Variants in KLHL2 observed in about 807,000 individuals in gnomAD.
The protein encoded by KLHL2 is kelch like family member 2.
Under a neutral mutation model 75.8 loss-of-function variants are expected in KLHL2, and 15 were observed. The ratio of observed to expected loss-of-function variants is 0.20; its 90% confidence interval spans 0.13 to 0.30. KLHL2 has a LOEUF of 0.30. Among genes scored for constraint, KLHL2 ranks in the 10% least tolerant of loss-of-function variants. The probability of loss-of-function intolerance (pLI) is 1.00; values close to 1 mark genes in which losing one functional copy is unlikely to be tolerated. For missense variants in KLHL2, 381 were observed against 741.0 expected (o/e 0.51, Z 5.64); for synonymous variants, 214 against 251.9 (o/e 0.85, Z 1.42).
At position 165,207,696 on chromosome 4, in the gene KLHL2, G is replaced by T; in HGVS notation, c.-181G>T. Reference sequence around the variant, plus strand: ...CGCAGTAGACGGAGCGCGCCCGGCCGAGCGGGCCATGGCCGCGGGGGCCGC... The same window carrying T: ...CGCAGTAGACGGAGCGCGCCCGGCCTAGCGGGCCATGGCCGCGGGGGCCGC... On this transcript the variant is annotated 5_prime_UTR_variant, in exon 1 of 15. Coordinates refer to ENST00000226725, the MANE Select transcript of KLHL2 (RefSeq NM_007246.4). This position sits in a 1 kb window ranked among gnomAD's most constrained non-coding sequence, Gnocchi z 4.2. 4.7e-6 allele frequency: 1 copy of T among 213,426 alleles called. No homozygotes were observed. Among genetic ancestry groups the T allele is most frequent in the South Asian group, 1.6e-4 (1 of 6,064 alleles). 13.2% of individuals were successfully genotyped at this position (213,426 alleles called of 1,614,324 possible). A position where few individuals can be genotyped will look rare whatever the true frequency, so the allele number is the denominator to read the frequency against.
rs556537954 is a variant in KLHL2, at chr4:165,250,711, G to A, written c.381+11812G>A. Among the ~76,000 whole-genome samples, 8 of 152,292 alleles carry A rather than the reference G, an allele frequency of 5.3e-5. No homozygotes were observed. In the East Asian group the frequency reaches 1.5e-3, roughly 29 times the overall value. On this transcript the variant is annotated intron_variant, in intron 4 of 14. Coordinates refer to ENST00000226725, the MANE Select transcript of KLHL2 (RefSeq NM_007246.4). The stretch of plus-strand genomic sequence containing the variant: ...CTCTATAAATGTTGAGCAGAAATAA[G>A]AGATGGGCAGGAATAAAAAGACTTA...
chr4:165,214,445 A>G (rs1398901047), intron 1 of KLHL2, among the ~76,000 whole-genome samples: 1 of 152,196 alleles, frequency 6.6e-6, no homozygotes, highest in Admixed American at 6.5e-5. Context: ...TGTCAGGGAC[A>G]AAAAGTGCCT....
At chr4:165,321,553 TAATTA>T (rs570587504) in intron 14 of KLHL2, among the ~76,000 whole-genome samples, 191 of 152,346 alleles carry the variant, frequency 1.3e-3, no homozygotes, top group African/African-American at 4.3e-3. Context: ...AAGCTATTAG[TAATTA>T]AATTATGCGG....
intron 7 of KLHL2, 69 bp downstream of exon 7, chr4:165,297,794 C>G: frequency 2.1e-6 from 2 of 933,456 alleles, no homozygotes; most frequent in Non-Finnish European, 3.6e-6. Flanking sequence ...ATGTAGATCC[C>G]TATCAAGCAG....
intron 11 of KLHL2, among the ~76,000 whole-genome samples, 179 bp downstream of exon 11, chr4:165,311,744 T>C (rs1746201071): frequency 6.6e-6 from 1 of 152,078 alleles, no homozygotes. Context: ...TCTATATAAA[T>C]CAACCTATAT....
At chr4:165,301,130 G>C (rs150889142) in intron 8 of KLHL2, among the ~76,000 whole-genome samples, 3 of 152,248 alleles carry the variant, frequency 2.0e-5, no homozygotes, top group Non-Finnish European at 2.9e-5. Flanking sequence ...CAGTCTATTT[G>C]TGGAAAGTTT....
chr4:165,276,808 CT>C (rs1187332951), intron 5 of KLHL2, among the ~76,000 whole-genome samples: 1 of 152,072 alleles, frequency 6.6e-6, no homozygotes, highest in Non-Finnish European at 1.5e-5. Flanking sequence ...AGGTATTTAA[CT>C]TTTTTGACAT....
At chr4:165,238,108 GA>G (rs1268071860) in intron 3 of KLHL2, among the ~76,000 whole-genome samples, 1 of 152,226 alleles carries the variant, frequency 6.6e-6, no homozygotes, top group African/African-American at 2.4e-5. Flanking sequence ...ACTTCAGCGT[GA>G]AGTTGCTGCA....
At chr4:165,297,256 G>C (rs1744983998) in intron 6 of KLHL2, among the ~76,000 whole-genome samples, 1 of 151,966 alleles carries the variant, frequency 6.6e-6, no homozygotes. Context: ...TGCTATTACA[G>C]AGCTGAGTCG....
intron 9 of KLHL2, among the ~76,000 whole-genome samples, chr4:165,309,238 C>T (rs1195278388): frequency 1.3e-5 from 2 of 152,134 alleles, no homozygotes; most frequent in Admixed American, 6.5e-5. Flanking sequence ...ATGTTATTTG[C>T]TATAGGGTTC....
At chr4:165,318,543 G>A (rs1746743751) in intron 14 of KLHL2, among the ~76,000 whole-genome samples, 1 of 152,100 alleles carries the variant, frequency 6.6e-6, no homozygotes, top group East Asian at 1.9e-4. Flanking sequence ...TGATCCAATA[G>A]TGGAGGAAGA....
intron 3 of KLHL2, among the ~76,000 whole-genome samples, chr4:165,230,772 T>C (rs1213558829): frequency 6.6e-6 from 1 of 152,238 alleles, no homozygotes; most frequent in Admixed American, 6.5e-5. Flanking sequence ...TTTAGCTCTC[T>C]TTTCTGTTTG....
intron 8 of KLHL2, among the ~76,000 whole-genome samples, chr4:165,301,299 T>G (rs1281199538): frequency 6.6e-6 from 1 of 152,240 alleles, no homozygotes; most frequent in Non-Finnish European, 1.5e-5. Context: ...TTTCTCAAAA[T>G]CTTCTAAATT....
At chr4:165,236,055 T>C (rs1012116493) in intron 3 of KLHL2, among the ~76,000 whole-genome samples, 1 of 152,082 alleles carries the variant, frequency 6.6e-6, no homozygotes, top group African/African-American at 2.4e-5. Context: ...AGGAGGTGGC[T>C]ACATTGGTGT....
chr4:165,231,924 C>T (rs997722377), intron 3 of KLHL2, among the ~76,000 whole-genome samples: 24 of 152,184 alleles, frequency 1.6e-4, no homozygotes, highest in African/African-American at 5.1e-4. Context: ...CACTTGGTAC[C>T]GCTTTTTAAA....
intron 7 of KLHL2, 66 bp downstream of exon 7, chr4:165,297,791 T>C: frequency 1.1e-6 from 1 of 951,274 alleles, no homozygotes. Flanking sequence ...AGCATGTAGA[T>C]CCCTATCAAG....
At chr4:165,304,419 A>G (rs1203959727) in intron 8 of KLHL2, among the ~76,000 whole-genome samples, 1 of 152,194 alleles carries the variant, frequency 6.6e-6, no homozygotes, top group East Asian at 1.9e-4. Flanking sequence ...CTTTTTGTGT[A>G]TATGAGTTAC....
intron 2 of KLHL2, among the ~76,000 whole-genome samples, chr4:165,226,965 T>C (rs1738490983): frequency 6.6e-6 from 1 of 152,122 alleles, no homozygotes; most frequent in South Asian, 2.1e-4. Flanking sequence ...CTAAATGAAA[T>C]AATACATGCA....
Position 165,262,065 on chromosome 4 carries a change from A to G in KLHL2, c.382-1132A>G, listed in dbSNP as rs1400748293. Among the ~76,000 whole-genome samples the G allele has an allele frequency of 2.6e-5, 4 of 152,136 alleles. No homozygotes were observed. The South Asian group carries it at 6.2e-4, about 24-fold the overall frequency. On this transcript the variant is annotated intron_variant, in intron 4 of 14. Transcript: ENST00000226725. ...GTTTTTCTCCTTAATTTGACTTTCA[A>G]ATATGGTCCTTTATATAACACTGTA...
Sources: gnomAD v4.1 joint callset for allele counts (sites outside exome capture counted in the v4.1 genomes callset) on GRCh38, gnomAD v4.1.1 for gene constraint, Gnocchi (gnomAD v3.1) non-coding constraint, MANE v1.5 for transcripts, NCBI Gene and HGNC (gene_info 2026-07-23, HGNC 2026-07-21) for gene names.